Variants in MYH11 observed in about 807,000 individuals in gnomAD.
MYH11 encodes the protein myosin heavy chain 11, also known as myosin-11.
In MYH11, 80 loss-of-function variants were observed where a neutral mutation model predicts 246.6. The observed-to-expected ratio is 0.32, with a 90% CI of 0.27 to 0.39. The LOEUF is 0.39. Among genes scored for constraint, MYH11 ranks in the 10% least tolerant of loss-of-function variants. The pLI, the probability that MYH11 is intolerant of heterozygous loss-of-function variation, is 1.00. For synonymous variants in MYH11, 1,071 were observed against 1,015.5 expected (o/e 1.05, Z -1.04); for missense variants, 2,158 against 2,546.8 (o/e 0.85, Z 3.29).
At chr16:15,784,608 A>T in intron 5 of MYH11, 1 of 1,406,496 alleles carries the variant, frequency 7.1e-7, no homozygotes, top group Non-Finnish European at 1.0e-6. Context: ...ACCACCAGCT[A>T]CGGGACTCGG....
In MYH11 at chr16:15,707,272, G is replaced by A. The variant is rs2039508805; in HGVS notation, c.5787-3149C>T. On this transcript the variant is annotated intron_variant, in intron 40 of 40. Coordinates refer to ENST00000300036, the MANE Select transcript of MYH11 (RefSeq NM_002474.3). ...GGCTGGTCCTGACCTCAAGTTATCT[G>A]CCCGCCTCGGCCTCCCAAAGTGCTG... Among the ~76,000 whole-genome samples the A allele has an allele frequency of 3.3e-5, 5 of 152,150 alleles. No homozygotes were observed. In the South Asian group the frequency reaches 1.0e-3, roughly 31 times the overall value.
At position 15,842,828 on chromosome 16, in the gene MYH11, A is replaced by G. The variant is rs74550943; in HGVS notation, c.-17-4559T>C. ...GAGGAAATCCCATCTAAATCTGAAT[A>G]ATCACTTCAGATATCCAGAAAGAGA... On this transcript the variant is annotated intron_variant, in intron 1 of 40. Coordinates refer to ENST00000300036, the MANE Select transcript of MYH11 (RefSeq NM_002474.3). Among the ~76,000 whole-genome samples, 221 of 151,810 alleles carry G rather than the reference A, an allele frequency of 1.5e-3. 1 individual carries two copies. In the East Asian group the frequency reaches 0.027, roughly 18 times the overall value.
At chr16:15,766,344 G>GGTGTGTGTGTGT (rs3073439) in intron 9 of MYH11, among the ~76,000 whole-genome samples, 11 of 136,786 alleles carry the variant, frequency 8.0e-5, no homozygotes, top group South Asian at 4.9e-4. Context: ...CATGTTTTTT[G>GGTGTGTGTGTGT]GTGTGTGTGT....
intron 4 of MYH11, among the ~76,000 whole-genome samples, chr16:15,788,095 T>TTTTTTTTTTTTTTTTTTTTTTTTTTG (rs11273419): frequency 1.0e-5 from 1 of 99,522 alleles, no homozygotes. Context: ...TTTTTTTTTT[T>TTTTTTTTTTTTTTTTTTTTTTTTTTG]ACCAAGATGG....
chr16:15,750,500 C>G lies in MYH11; in HGVS notation c.1865-169G>C, dbSNP rs1393361804. 1.3e-5 allele frequency among the ~76,000 whole-genome samples: 2 copies of G among 152,172 alleles called. No homozygotes were observed. Among genetic ancestry groups the G allele is most frequent in the African/African-American group, 4.8e-5 (2 of 41,440 alleles). ...CCAAGTATTGTCTATTGGGGAAATCCTGAGAGCACCTGAGTGGCAGAAAGA... is the reference window on the plus strand; with the variant it reads ...CCAAGTATTGTCTATTGGGGAAATCGTGAGAGCACCTGAGTGGCAGAAAGA... On this transcript the variant is annotated intron_variant, in intron 15 of 40. Coordinates refer to ENST00000300036, the MANE Select transcript of MYH11 (RefSeq NM_002474.3). The surrounding 1 kb of genome is among the most constrained non-coding windows in gnomAD (Gnocchi z 4.3).
chr16:15,780,500 A>G lies in MYH11; in HGVS notation c.727-1657T>C, dbSNP rs1187879151. ...TTTTTTTTTTTTTTTTTTTTTTTTGAGACAAGAGCCTCACTCTGTCGCCCA... is the reference window on the plus strand; with the variant it reads ...TTTTTTTTTTTTTTTTTTTTTTTTGGGACAAGAGCCTCACTCTGTCGCCCA... On this transcript the variant is annotated intron_variant, in intron 6 of 40. Coordinates refer to ENST00000300036, the MANE Select transcript of MYH11 (RefSeq NM_002474.3). Among the ~76,000 whole-genome samples, 3 of 6,932 alleles carry G rather than the reference A, an allele frequency of 4.3e-4. No homozygotes were observed. In the South Asian group the frequency reaches 9.3e-3, roughly 22 times the overall value. The allele number at this position is 6,932 out of a possible 152,430, so 4.5% of individuals were successfully genotyped here.
At chr16:15,850,681 G>A (rs1482007313) in intron 1 of MYH11, among the ~76,000 whole-genome samples, 1 of 152,038 alleles carries the variant, frequency 6.6e-6, no homozygotes, top group East Asian at 1.9e-4. Context: ...GTTCGCTTGA[G>A]CTTAGGAGTT....
chr16:15,786,566 G>A (rs1314192456), intron 5 of MYH11, 64 bp downstream of exon 5: 6 of 1,430,220 alleles, frequency 4.2e-6, no homozygotes, highest in Non-Finnish European at 5.9e-6. Context: ...TTGTATCTCG[G>A]TTGGGCTGCA....
At chr16:15,712,424 T>TGGATCACAAGATCAGGAGTTCA (rs1415229051) in intron 40 of MYH11, among the ~76,000 whole-genome samples, 1 of 151,788 alleles carries the variant, frequency 6.6e-6, no homozygotes, top group East Asian at 1.9e-4. Context: ...CTGAGGCGGG[T>TGGATCACAAGATCAGGAGTTCA]GGATCACAAG....
intron 20 of MYH11, among the ~76,000 whole-genome samples, chr16:15,743,588 G>A (rs2041335774): frequency 6.6e-6 from 1 of 152,188 alleles, no homozygotes; most frequent in Non-Finnish European, 1.5e-5. Context: ...TCAAGCCCCT[G>A]CCTGGCACAA....
chr16:15,766,915 C>T (rs1021348189), intron 9 of MYH11, among the ~76,000 whole-genome samples: 1 of 152,204 alleles, frequency 6.6e-6, no homozygotes, highest in African/African-American at 2.4e-5. Context: ...CTGGCAGCAT[C>T]CTGGTGTGCT....
chr16:15,763,738 A>AGCTGGGGGGGGGCCCCCCCCC, intron 10 of MYH11, 58 bp downstream of exon 10: 1 of 717,694 alleles, frequency 1.4e-6, no homozygotes, highest in Non-Finnish European at 2.6e-6. Context: ...GTTAAATGTC[A>AGCTGGGGGGGGGCCCCCCCCC]CCTCCCCCAC....
At chr16:15,847,295 G>A (rs1442571733) in intron 1 of MYH11, among the ~76,000 whole-genome samples, 1 of 143,478 alleles carries the variant, frequency 7.0e-6, no homozygotes, top group South Asian at 2.3e-4. Context: ...CTGTCGCCCA[G>A]GCTGGAGTGC....
intron 14 of MYH11, 127 bp from the exon 15 acceptor site, chr16:15,753,635 C>G: frequency 1.3e-6 from 1 of 764,706 alleles, no homozygotes. Flanking sequence ...ACGTTTATGA[C>G]CACCATGATG....
chr16:15,744,576 C>G (rs2041365555), intron 20 of MYH11, among the ~76,000 whole-genome samples: 1 of 151,938 alleles, frequency 6.6e-6, no homozygotes, highest in Non-Finnish European at 1.5e-5. Flanking sequence ...GATCTTGGCT[C>G]ACTGCAACCT....
intron 20 of MYH11, among the ~76,000 whole-genome samples, chr16:15,743,055 G>C (rs888153295): frequency 1.3e-5 from 2 of 148,622 alleles, no homozygotes; most frequent in African/African-American, 5.0e-5. Flanking sequence ...CATTTTAATA[G>C]CTGAAAACAT....
intron 29 of MYH11, 21 bp from the exon 30 acceptor site, chr16:15,724,820 G>T: frequency 5.6e-6 from 9 of 1,613,742 alleles, no homozygotes; most frequent in Non-Finnish European, 7.6e-6. Flanking sequence ...GATGCAAAGA[G>T]GTCCCAGGGA....
intron 3 of MYH11, among the ~76,000 whole-genome samples, chr16:15,799,520 CCA>C (rs2042831445): frequency 6.6e-6 from 1 of 152,158 alleles, no homozygotes. Context: ...CTCTTGTTTA[CCA>C]CCAGAGAAAC....
At chr16:15,763,557 G>A (rs542407001) in intron 10 of MYH11, among the ~76,000 whole-genome samples, 2 of 151,960 alleles carry the variant, frequency 1.3e-5, no homozygotes, top group African/African-American at 4.8e-5. Context: ...TTAAAAAAAA[G>A]AACAAATAAA....
Sources: allele counts gnomAD v4.1 joint callset (sites outside exome capture counted in the v4.1 genomes callset), GRCh38; gene constraint gnomAD v4.1.1; non-coding constraint Gnocchi (gnomAD v3.1); transcripts MANE v1.5; gene names NCBI Gene and HGNC (gene_info 2026-07-23, HGNC 2026-07-21).